ASTN2: variants seen among roughly 807,000 people sequenced by gnomAD.
ASTN2 encodes astrotactin 2, also known as astrotactin-2.
Under a neutral mutation model 139.8 loss-of-function variants are expected in ASTN2, and 54 were observed. That is an observed-to-expected ratio of 0.39 (90% confidence interval 0.31 to 0.48). The LOEUF (loss-of-function observed/expected upper bound fraction) is 0.48, where lower values mean the gene tolerates loss of function less well. Ranked by LOEUF, ASTN2 falls within the 20% of genes least tolerant of loss-of-function variation. The pLI is 0.95. For missense variants in ASTN2, 1,565 were observed against 1,725.1 expected, an observed-to-expected ratio of 0.91 and a Z score of 1.64; for synonymous variants, 756 against 719.5, an observed-to-expected ratio of 1.05 and a Z score of -0.81.
At chr9:117,256,373 G>A (rs955550703) in intron 2 of ASTN2, among the ~76,000 whole-genome samples, 52 of 152,286 alleles carry the variant, frequency 3.4e-4, no homozygotes, top group African/African-American at 1.2e-3. Flanking sequence ...AGAGAATAAA[G>A]GGACCTAGTG....
In ASTN2 at chr9:116,652,319, C is replaced by T. The variant is rs116421110; in HGVS notation, c.2807-526G>A. Among the ~76,000 whole-genome samples, 910 of 151,968 alleles carry T rather than the reference C, an allele frequency of 6.0e-3. 14 individuals carry two copies. The highest frequency in any genetic ancestry group is 0.021 in the African/African-American group (852 of 41,414). Reference sequence around the variant, plus strand: ...CCAACCTGGGCAAGAGAGCGAGATTCCATCTCAGAATAAATAAATGAAAAA... The same window carrying T: ...CCAACCTGGGCAAGAGAGCGAGATTTCATCTCAGAATAAATAAATGAAAAA... On this transcript the variant is annotated intron_variant, in intron 16 of 22. Transcript: ENST00000313400.
At chr9:117,288,470 T>G (rs188707408) in intron 2 of ASTN2, among the ~76,000 whole-genome samples, 18 of 152,324 alleles carry the variant, frequency 1.2e-4, no homozygotes, top group African/African-American at 4.3e-4. Context: ...ACCTTGGATC[T>G]TCACCAAAGA....
intron 5 of ASTN2, among the ~76,000 whole-genome samples, chr9:117,091,597 C>A (rs755458367): frequency 2.0e-5 from 3 of 151,894 alleles, no homozygotes; most frequent in Non-Finnish European, 2.9e-5. Context: ...ATGAGTCAAA[C>A]GGCAGGGAAG....
intron 1 of ASTN2, among the ~76,000 whole-genome samples, chr9:117,396,416 T>C (rs1588010922): frequency 2.0e-5 from 3 of 152,352 alleles, no homozygotes; most frequent in Middle Eastern, 6.8e-3. Flanking sequence ...CGTTAAGTTG[T>C]ATTTTACAGG....
chr9:116,658,956 T>G (rs906466379), intron 16 of ASTN2, among the ~76,000 whole-genome samples: 1 of 152,108 alleles, frequency 6.6e-6, no homozygotes, highest in African/African-American at 2.4e-5. Flanking sequence ...TCGATGGTGC[T>G]GCTGCCTATT....
chr9:117,275,944 C>T (rs546518185), intron 2 of ASTN2, among the ~76,000 whole-genome samples: 26 of 152,260 alleles, frequency 1.7e-4, no homozygotes, highest in African/African-American at 5.8e-4. Flanking sequence ...AATACAGTCA[C>T]ATTAGGGGTT....
At chr9:117,233,915 T>C (rs1208998384) in intron 2 of ASTN2, among the ~76,000 whole-genome samples, 1 of 152,214 alleles carries the variant, frequency 6.6e-6, no homozygotes, top group Non-Finnish European at 1.5e-5. Flanking sequence ...GGTTAATTCA[T>C]GCAAATAAAA....
At chr9:116,945,280 G>A (rs1238982145) in intron 10 of ASTN2, among the ~76,000 whole-genome samples, 3 of 152,108 alleles carry the variant, frequency 2.0e-5, no homozygotes, top group Admixed American at 1.3e-4. Flanking sequence ...CCCTATATTG[G>A]TTTAGCTCTT....
chr9:116,687,360 C>A (rs538918400), intron 16 of ASTN2: 2 of 531,236 alleles, frequency 3.8e-6, no homozygotes, highest in East Asian at 1.7e-4. Flanking sequence ...GCGGTGGACT[C>A]GTCGGAGCCG....
intron 16 of ASTN2, 85 bp downstream of exon 16, chr9:116,725,686 A>G: frequency 7.1e-7 from 1 of 1,406,180 alleles, no homozygotes; most frequent in East Asian, 2.3e-5. Flanking sequence ...CAGGATTTAG[A>G]TCCAAGGCAG....
chr9:117,294,178 C>A (rs1410619563), intron 1 of ASTN2, among the ~76,000 whole-genome samples: 1 of 152,266 alleles, frequency 6.6e-6, no homozygotes, highest in Non-Finnish European at 1.5e-5. Context: ...CAGTGGATTT[C>A]CAGTCCATGC....
intron 13 of ASTN2, among the ~76,000 whole-genome samples, chr9:116,761,075 C>T (rs1829661111): frequency 1.3e-5 from 2 of 152,196 alleles, no homozygotes; most frequent in African/African-American, 4.8e-5. Context: ...AGCTAACTGT[C>T]CTCCACCCCT....
At chr9:117,137,104 G>T (rs1829969733) in intron 4 of ASTN2, among the ~76,000 whole-genome samples, 1 of 152,120 alleles carries the variant, frequency 6.6e-6, no homozygotes, top group African/African-American at 2.4e-5. Context: ...CTGGGGAGTG[G>T]CTCCTTAATA....
rs1830584 is a variant in ASTN2, at chr9:116,522,448, C to A, written c.3356-34948G>T. On this transcript the variant is annotated intron_variant, in intron 19 of 22. Transcript: ENST00000313400. The stretch of plus-strand genomic sequence containing the variant: ...CAGACATCGTATGCTCTCACTCATA[C>A]GTGGGAGCTAAGCTATGAGGTTGCA... Among the ~76,000 whole-genome samples, 5 of 151,798 alleles carry A rather than the reference C, an allele frequency of 3.3e-5. No individual in the cohort carries two copies. In the East Asian group the frequency reaches 7.7e-4, roughly 24 times the overall value.
Position 116,828,992 on chromosome 9 carries a change from T to G in ASTN2, c.2041-8209A>C, listed in dbSNP as rs1231377029. ...CTCTATAAAAATAATAACAAAACACTGATGAAATAAATTGTAGATGACATA... is the reference window on the plus strand; with the variant it reads ...CTCTATAAAAATAATAACAAAACACGGATGAAATAAATTGTAGATGACATA... On this transcript the variant is annotated intron_variant, in intron 11 of 22. Coordinates refer to ENST00000313400, the MANE Select transcript of ASTN2 (RefSeq NM_001365068.1). Among the ~76,000 whole-genome samples the G allele has an allele frequency of 2.6e-5, 4 of 151,968 alleles. No homozygotes were observed. The South Asian group carries it at 6.2e-4, about 24-fold the overall frequency.
At chr9:116,610,094 A>G (rs1855457932) in intron 19 of ASTN2, among the ~76,000 whole-genome samples, 1 of 152,166 alleles carries the variant, frequency 6.6e-6, no homozygotes, top group Non-Finnish European at 1.5e-5. Flanking sequence ...AAACCTAAAC[A>G]TACAAATATC....
chr9:116,661,869 G>A (rs1858581331), intron 16 of ASTN2, among the ~76,000 whole-genome samples: 2 of 151,968 alleles, frequency 1.3e-5, no homozygotes, highest in Admixed American at 6.6e-5. Flanking sequence ...GTTGTGGGGT[G>A]CGGGGAGGGG....
intron 4 of ASTN2, among the ~76,000 whole-genome samples, chr9:117,132,734 C>T (rs1248200579): frequency 2.0e-5 from 3 of 152,078 alleles, no homozygotes; most frequent in African/African-American, 4.8e-5. Flanking sequence ...GTACTCTCCC[C>T]GGCTGCACCT....
intron 15 of ASTN2, 123 bp downstream of exon 15, chr9:116,728,869 G>C (rs969928342): frequency 2.6e-6 from 2 of 763,752 alleles, no homozygotes; most frequent in African/African-American, 3.4e-5. Context: ...TGATGGCAGA[G>C]AGGATGCATC....
Sources: allele counts gnomAD v4.1 joint callset (sites outside exome capture counted in the v4.1 genomes callset), GRCh38; gene constraint gnomAD v4.1.1; transcripts MANE v1.5; gene names NCBI Gene and HGNC (gene_info 2026-07-23, HGNC 2026-07-21).